The following CPNE8 variants were observed in gnomAD, a reference collection of about 807,000 sequenced individuals.
The protein encoded by CPNE8 is copine-8.
Under a neutral mutation model 81.5 loss-of-function variants are expected in CPNE8, and 45 were observed. The ratio of observed to expected loss-of-function variants is 0.55; its 90% CI spans 0.44 to 0.71. The LOEUF is 0.71. Among genes scored for constraint, CPNE8 ranks in the 30% least tolerant of loss-of-function variants. The pLI, the probability that CPNE8 is intolerant of heterozygous loss-of-function variation, is 0.00. For synonymous variants in CPNE8, 252 were observed against 226.3 expected (o/e 1.11, Z -1.02); for missense variants, 594 against 672.1 (o/e 0.88, Z 1.28).
chr12:38,813,106 G>A (rs965633107), intron 6 of CPNE8, among the ~76,000 whole-genome samples: 2 of 152,202 alleles, frequency 1.3e-5, no homozygotes, highest in African/African-American at 2.4e-5. Context: ...CTATCATAAA[G>A]AGTTGAGATT....
chr12:38,715,345 G>T (rs974043779), intron 13 of CPNE8, among the ~76,000 whole-genome samples: 6 of 152,032 alleles, frequency 3.9e-5, no homozygotes, highest in African/African-American at 1.4e-4. Context: ...CAATATAATT[G>T]TTGTTAATGA....
At chr12:38,856,843 A>T (rs994605613) in intron 3 of CPNE8, among the ~76,000 whole-genome samples, 1 of 152,118 alleles carries the variant, frequency 6.6e-6, no homozygotes, top group African/African-American at 2.4e-5. Context: ...TTCAGTATAC[A>T]TGTACTATCA....
At chr12:38,787,964 G>C (rs1445624575) in intron 6 of CPNE8, among the ~76,000 whole-genome samples, 1 of 82,148 alleles carries the variant, frequency 1.2e-5, no homozygotes, top group African/African-American at 3.9e-5. Flanking sequence ...ATAATAAAAA[G>C]TCTCCCAGAA....
intron 1 of CPNE8, among the ~76,000 whole-genome samples, chr12:38,886,335 G>A (rs1187862744): frequency 6.6e-6 from 1 of 152,216 alleles, no homozygotes; most frequent in Non-Finnish European, 1.5e-5. Context: ...AGAGTTGTTT[G>A]AGGAGTAAGT....
At chr12:38,798,978 C>A (rs943895748) in intron 6 of CPNE8, among the ~76,000 whole-genome samples, 1 of 152,134 alleles carries the variant, frequency 6.6e-6, no homozygotes, top group African/African-American at 2.4e-5. Context: ...GTAAAGGGAT[C>A]AATTCAATAA....
chr12:38,799,055 C>T (rs1942585098), intron 6 of CPNE8, among the ~76,000 whole-genome samples: 1 of 152,098 alleles, frequency 6.6e-6, no homozygotes, highest in Non-Finnish European at 1.5e-5. Context: ...AAAGCAAGTC[C>T]TCAGTGACCT....
At chr12:38,665,854 G>T (rs1317745083) in intron 19 of CPNE8, among the ~76,000 whole-genome samples, 1 of 152,030 alleles carries the variant, frequency 6.6e-6, no homozygotes, top group Non-Finnish European at 1.5e-5. Flanking sequence ...TATCACTATA[G>T]TATAAACAGT....
At chr12:38,899,494 G>A (rs2137161071) in intron 1 of CPNE8, among the ~76,000 whole-genome samples, 1 of 152,122 alleles carries the variant, frequency 6.6e-6, no homozygotes, top group South Asian at 2.1e-4. Flanking sequence ...CTTGTCTCTG[G>A]TACTTTATTA....
chr12:38,864,895 C>G (rs1943893168), intron 3 of CPNE8, among the ~76,000 whole-genome samples: 1 of 152,046 alleles, frequency 6.6e-6, no homozygotes, highest in Non-Finnish European at 1.5e-5. Flanking sequence ...TTTTGTTCAT[C>G]AAAATACACT....
intron 11 of CPNE8, among the ~76,000 whole-genome samples, chr12:38,728,328 C>T (rs527573390): frequency 2.6e-5 from 4 of 151,696 alleles, no homozygotes; most frequent in Admixed American, 6.6e-5. Context: ...GGAAATCATG[C>T]GTAAAGGATG....
At chr12:38,813,380 T>C (rs888783711) in intron 6 of CPNE8, among the ~76,000 whole-genome samples, 4 of 151,976 alleles carry the variant, frequency 2.6e-5, no homozygotes, top group Admixed American at 1.3e-4. Flanking sequence ...AAAAGAATGA[T>C]AGAGGGGAAA....
chr12:38,679,663 T>C (rs1939368965), intron 16 of CPNE8: 1 of 984,924 alleles, frequency 1.0e-6, no homozygotes, highest in South Asian at 4.7e-5. Flanking sequence ...AGTTGTTGCT[T>C]CTTTGGCACT....
At chr12:38,730,852 CT>C (rs141246830) in intron 10 of CPNE8, among the ~76,000 whole-genome samples, 4 of 151,468 alleles carry the variant, frequency 2.6e-5, no homozygotes, top group African/African-American at 4.8e-5. Flanking sequence ...AGTCACTACA[CT>C]TTTTTTCTAT....
chr12:38,701,262 T>G (rs1939935949), intron 14 of CPNE8, among the ~76,000 whole-genome samples: 1 of 152,204 alleles, frequency 6.6e-6, no homozygotes, highest in African/African-American at 2.4e-5. Flanking sequence ...AGATTAACTT[T>G]GTGGGTAGTC....
At chr12:38,889,907 C>G (rs1283546505) in intron 1 of CPNE8, among the ~76,000 whole-genome samples, 1 of 152,164 alleles carries the variant, frequency 6.6e-6, no homozygotes, top group Non-Finnish European at 1.5e-5. Flanking sequence ...AGGACTTAGT[C>G]CCTTGTAGGA....
chr12:38,767,574 AT>A (rs1483340985), intron 8 of CPNE8, 60 bp downstream of exon 8: 1 of 1,002,062 alleles, frequency 1.0e-6, no homozygotes, highest in Non-Finnish European at 1.4e-6. Flanking sequence ...TCTGAGAAAA[AT>A]AATTATAATT....
At chr12:38,782,935 C>T (rs771415934) in intron 6 of CPNE8, among the ~76,000 whole-genome samples, 50 of 152,116 alleles carry the variant, frequency 3.3e-4, no homozygotes, top group Non-Finnish European at 6.2e-4. Context: ...CAGAATTGAC[C>T]TCCCAAAGTG....
chr12:38,816,559 A>C (rs915674871), intron 6 of CPNE8, among the ~76,000 whole-genome samples: 1 of 152,218 alleles, frequency 6.6e-6, no homozygotes, highest in East Asian at 1.9e-4. Context: ...CTGCTTAAGA[A>C]AGAAAAATTG....
intron 16 of CPNE8, among the ~76,000 whole-genome samples, chr12:38,683,266 A>G (rs1939451125): frequency 6.6e-6 from 1 of 152,184 alleles, no homozygotes; most frequent in South Asian, 2.1e-4. Flanking sequence ...TAGAAAATAT[A>G]CTTAAGGAAA....
Sources: gnomAD v4.1 joint callset for allele counts (sites outside exome capture counted in the v4.1 genomes callset) on GRCh38, gnomAD v4.1.1 for gene constraint, MANE v1.5 for transcripts, NCBI Gene and HGNC (gene_info 2026-07-23, HGNC 2026-07-21) for gene names.